Variants in TLL2 observed in about 807,000 individuals in gnomAD.
TLL2 encodes tolloid like 2.
In TLL2, 106 loss-of-function variants were observed where a neutral mutation model predicts 123.0. The ratio of observed to expected loss-of-function variants is 0.86; its 90% CI spans 0.74 to 1.01. The LOEUF (loss-of-function observed/expected upper bound fraction) is 1.01, where lower values mean the gene tolerates loss of function less well. Among genes scored for constraint, TLL2 ranks in the 50% least tolerant of loss-of-function variants. TLL2 has a pLI of 0.00. For missense variants in TLL2, 1,332 were observed against 1,336.7 expected, an observed-to-expected ratio of 1.00 and a Z score of 0.06; for synonymous variants, 494 against 516.8, an observed-to-expected ratio of 0.96 and a Z score of 0.60.
At chr10:96,471,938 G>T (rs1847188567) in intron 2 of TLL2, among the ~76,000 whole-genome samples, 1 of 152,240 alleles carries the variant, frequency 6.6e-6, no homozygotes, top group South Asian at 2.1e-4. Context: ...CTACGAGAAG[G>T]TTCATAATGT....
chr10:96,399,044 T>C (rs1846366935), intron 10 of TLL2, among the ~76,000 whole-genome samples: 1 of 151,908 alleles, frequency 6.6e-6, no homozygotes, highest in Non-Finnish European at 1.5e-5. Context: ...GCTAATTTTT[T>C]ATATTTTTAG....
chr10:96,410,814 C>G (rs534636804), intron 8 of TLL2, among the ~76,000 whole-genome samples: 21 of 152,270 alleles, frequency 1.4e-4, no homozygotes, highest in African/African-American at 5.1e-4. Context: ...TGGGCAGGAC[C>G]TACCTGAGAG....
intron 16 of TLL2, 96 bp from the exon 17 acceptor site, chr10:96,379,188 G>T: frequency 6.7e-7 from 1 of 1,490,972 alleles, no homozygotes; most frequent in Non-Finnish European, 9.1e-7. Flanking sequence ...CCTCTGGGAA[G>T]CCTCTCTGAT....
chr10:96,435,161 A>G (rs1846784057), intron 3 of TLL2, among the ~76,000 whole-genome samples: 1 of 150,814 alleles, frequency 6.6e-6, no homozygotes, highest in Non-Finnish European at 1.5e-5. Context: ...CCTCCTGAGT[A>G]GCTGGGACTA....
intron 13 of TLL2, among the ~76,000 whole-genome samples, chr10:96,389,167 C>A (rs189169709): frequency 7.9e-5 from 12 of 152,302 alleles, no homozygotes; most frequent in Admixed American, 4.6e-4. Context: ...GATCCTCCAG[C>A]CGATCTTCCT....
chr10:96,400,434 A>ATAGAC, intron 10 of TLL2, among the ~76,000 whole-genome samples: 1 of 152,184 alleles, frequency 6.6e-6, no homozygotes, highest in Middle Eastern at 3.4e-3. Flanking sequence ...TTTTGGATAG[A>ATAGAC]TAGACATCAA....
In TLL2 at chr10:96,476,945, C is replaced by A. The variant is rs74151353; in HGVS notation, c.286+3404G>T. Among the ~76,000 whole-genome samples, 644 of 150,784 alleles carry A rather than the reference C, an allele frequency of 4.3e-3. 3 individuals are homozygous for A. The highest frequency in any genetic ancestry group is 0.017 in the Middle Eastern group (5 of 292). On this transcript the variant is annotated intron_variant, in intron 2 of 20. Coordinates refer to ENST00000357947, the MANE Select transcript of TLL2 (RefSeq NM_012465.4). Reference sequence around the variant, plus strand: ...TGAGCACATTAAGTCTGGAAAGAATCCAGCAAACTGGTAATGCCAGGGATC... The same window carrying A: ...TGAGCACATTAAGTCTGGAAAGAATACAGCAAACTGGTAATGCCAGGGATC...
intron 19 of TLL2, among the ~76,000 whole-genome samples, chr10:96,371,982 GGTGGC>G (rs1263295099): frequency 6.6e-6 from 1 of 152,102 alleles, no homozygotes; most frequent in Non-Finnish European, 1.5e-5. Flanking sequence ...TCCTAGCTCT[GGTGGC>G]TTCATTGTCC....
intron 16 of TLL2, among the ~76,000 whole-genome samples, chr10:96,383,079 TGG>T (rs1564895071): frequency 7.5e-6 from 1 of 133,968 alleles, no homozygotes; most frequent in South Asian, 2.5e-4. Context: ...GGGGGAACAG[TGG>T]GGGGATTATT....
intron 9 of TLL2, among the ~76,000 whole-genome samples, chr10:96,409,724 T>G (rs780419387): frequency 3.0e-4 from 45 of 152,160 alleles, no homozygotes; most frequent in Non-Finnish European, 5.3e-4. Context: ...AAGGGATGTG[T>G]CCACCCAGAG....
At chr10:96,379,416 C>T (rs1846166437) in intron 16 of TLL2, among the ~76,000 whole-genome samples, 1 of 152,212 alleles carries the variant, frequency 6.6e-6, no homozygotes, top group Non-Finnish European at 1.5e-5. Context: ...CAGTAATTCC[C>T]ACTTACTGAG....
intron 17 of TLL2, among the ~76,000 whole-genome samples, 184 bp downstream of exon 17, chr10:96,378,783 G>T (rs1846159667): frequency 6.6e-6 from 1 of 152,344 alleles, no homozygotes; most frequent in South Asian, 2.1e-4. Flanking sequence ...AGGCCCCCAG[G>T]TGCCTCCTGA....
rs768132460 is a variant in TLL2, at chr10:96,386,246, T to G, written c.1853-31A>C. 3.9e-6 allele frequency: 6 copies of G among 1,519,626 alleles called. No individual in the cohort carries two copies. The South Asian group carries it at 8.0e-5, about 20-fold the overall frequency. 94.1% of individuals were successfully genotyped at this position (1,519,626 alleles called of 1,614,324 possible). On this transcript the variant is annotated intron_variant, in intron 14 of 20. Transcript: ENST00000357947. ...CGGGGGAAACAGAAACAGGATTCAT[T>G]TGGCTTTGGCTCCAGGTGACTGTGA... is the stretch of plus-strand genomic sequence containing the variant.
chr10:96,371,320 CA>C (rs113456838), intron 19 of TLL2, among the ~76,000 whole-genome samples: 6,833 of 115,624 alleles, frequency 0.059, 206 homozygotes, highest in Middle Eastern at 0.14. Flanking sequence ...AACTCCGTAT[CA>C]AAAAAAAAAA....
At chr10:96,461,496 A>T (rs1564911909) in intron 2 of TLL2, among the ~76,000 whole-genome samples, 1 of 152,122 alleles carries the variant, frequency 6.6e-6, no homozygotes, top group Non-Finnish European at 1.5e-5. Flanking sequence ...TGATCCCAGC[A>T]CGCCTTTCCA....
At chr10:96,369,873 TC>T (rs1352457812) in intron 20 of TLL2, among the ~76,000 whole-genome samples, 191 bp downstream of exon 20, 1 of 152,026 alleles carries the variant, frequency 6.6e-6, no homozygotes, top group Non-Finnish European at 1.5e-5. Context: ...CAAGGACTGG[TC>T]CCTGGCTGCC....
chr10:96,499,572 C>A (rs539464499), intron 1 of TLL2, among the ~76,000 whole-genome samples: 2 of 152,316 alleles, frequency 1.3e-5, no homozygotes, highest in South Asian at 2.1e-4. Context: ...TTAACTTAAT[C>A]TGAACTGATA....
chr10:96,423,128 C>CAA (rs10577803), intron 5 of TLL2, among the ~76,000 whole-genome samples: 4 of 119,916 alleles, frequency 3.3e-5, no homozygotes, highest in African/African-American at 9.4e-5. Flanking sequence ...AACACCGTCT[C>CAA]AAAAAAAAAA....
chr10:96,379,081 A>G lies in TLL2; in HGVS notation c.2206T>C (p.Cys736Arg). The change falls in exon 17 of 21, where the codon TGT (cysteine) becomes CGT (arginine). Residue 736 changes from cysteine (C) to arginine (R), a missense_variant. Physicochemically the swap from Cys to Arg is radical, Grantham distance 180. Transcript: ENST00000357947. ...RAHFFSDKDE[C>R]AKDNGGCQHE... ...TGACACCCGCCGTTGTCCTTGGCAC[A>G]CTCGTCCTTATCTGGGGAGATCAAT... 6.2e-7 allele frequency: 1 copy of G among 1,613,902 alleles called. No individual in the cohort carries two copies. Among genetic ancestry groups the G allele is most frequent in the Non-Finnish European group, 8.5e-7 (1 of 1,179,874 alleles).
Sources: allele counts gnomAD v4.1 joint callset (sites outside exome capture counted in the v4.1 genomes callset), GRCh38; gene constraint gnomAD v4.1.1; transcripts MANE v1.5; gene names NCBI Gene and HGNC (gene_info 2026-07-23, HGNC 2026-07-21).